Variants in CTNNA2 observed in about 807,000 individuals in gnomAD.
The protein encoded by CTNNA2 is catenin alpha 2.
In CTNNA2, 42 loss-of-function variants were observed where a neutral mutation model predicts 101.0. That is an observed-to-expected ratio of 0.42 (90% confidence interval 0.32 to 0.54). The LOEUF is 0.54. Ranked by LOEUF, CTNNA2 falls within the 20% of genes least tolerant of loss-of-function variation. CTNNA2 has a pLI of 0.14. For synonymous variants in CTNNA2, 450 were observed against 456.4 expected (o/e 0.99, Z 0.18); for missense variants, 871 against 1,223.1 (o/e 0.71, Z 4.29).
chr2:79,997,091 C>T lies in CTNNA2; in HGVS notation c.1056+87294C>T, dbSNP rs1477011818. Among the ~76,000 whole-genome samples, 5 of 152,216 alleles carry T rather than the reference C, an allele frequency of 3.3e-5. No homozygotes were observed. The East Asian group carries it at 7.8e-4, about 24-fold the overall frequency. On this transcript the variant is annotated intron_variant, in intron 7 of 18. Coordinates refer to ENST00000402739, the MANE Select transcript of CTNNA2 (RefSeq NM_001282597.3). The stretch of plus-strand genomic sequence containing the variant: ...TCCTTTATAACACTGTCCAATTGGT[C>T]AACAACTCTTCCTTTATAAGTCTCT...
chr2:80,095,105 G>T (rs1558802157), intron 7 of CTNNA2, among the ~76,000 whole-genome samples: 1 of 152,208 alleles, frequency 6.6e-6, no homozygotes, highest in Non-Finnish European at 1.5e-5. Context: ...AATGCTTCCA[G>T]TTATTGTCCA....
intron 7 of CTNNA2, among the ~76,000 whole-genome samples, chr2:80,190,309 T>C (rs982666953): frequency 2.6e-5 from 4 of 151,984 alleles, no homozygotes; most frequent in Non-Finnish European, 5.9e-5. Context: ...AGTGGTCCAG[T>C]GGTGGCAGGC....
chr2:80,504,647 G>C (rs1688130843), intron 9 of CTNNA2, among the ~76,000 whole-genome samples: 2 of 152,228 alleles, frequency 1.3e-5, no homozygotes, highest in South Asian at 2.1e-4. Context: ...GAAGGGCCTT[G>C]GGTGGGGAAC....
chr2:79,215,319 A>G (rs1181561331), intron 2 of CTNNA2, among the ~76,000 whole-genome samples: 6 of 152,150 alleles, frequency 3.9e-5, no homozygotes, highest in Non-Finnish European at 7.3e-5. Context: ...ACGCCTGGCC[A>G]CTGCGGTTCA....
intron 7 of CTNNA2, among the ~76,000 whole-genome samples, chr2:80,079,896 A>AAAATAATAAAATAAAAT: frequency 8.7e-6 from 1 of 114,504 alleles, no homozygotes; most frequent in Non-Finnish European, 2.0e-5. Context: ...AAAATAAAAT[A>AAAATAATAAAATAAAAT]AATAAAATAA....
At chr2:80,389,795 A>G (rs920438593) in intron 7 of CTNNA2, among the ~76,000 whole-genome samples, 1 of 152,148 alleles carries the variant, frequency 6.6e-6, no homozygotes. Flanking sequence ...AACATTCCCC[A>G]GCCTTCATGT....
chr2:80,513,941 G>A (rs1296758589), intron 9 of CTNNA2, among the ~76,000 whole-genome samples: 1 of 152,074 alleles, frequency 6.6e-6, no homozygotes, highest in African/African-American at 2.4e-5. Flanking sequence ...ACCATACAAA[G>A]TCTTTTCCTT....
chr2:79,978,770 G>T (rs1422058023), intron 7 of CTNNA2, among the ~76,000 whole-genome samples: 1 of 152,126 alleles, frequency 6.6e-6, no homozygotes, highest in African/African-American at 2.4e-5. Context: ...TAATTCTGGG[G>T]TCACTAATTC....
chr2:80,084,793 T>G (rs141425969), intron 7 of CTNNA2, among the ~76,000 whole-genome samples: 1 of 152,198 alleles, frequency 6.6e-6, no homozygotes, highest in African/African-American at 2.4e-5. Flanking sequence ...GTCAGGGGAA[T>G]TACTTATATT....
At chr2:79,520,385 T>C (rs961474216) in intron 1 of CTNNA2, among the ~76,000 whole-genome samples, 2 of 152,216 alleles carry the variant, frequency 1.3e-5, no homozygotes, top group African/African-American at 4.8e-5. Flanking sequence ...GATCAATCTA[T>C]GATTTTGAGT....
chr2:79,250,998 C>G (rs1261945281), intron 2 of CTNNA2, among the ~76,000 whole-genome samples: 2 of 152,156 alleles, frequency 1.3e-5, no homozygotes, highest in Non-Finnish European at 2.9e-5. Flanking sequence ...AAATGATTTA[C>G]TCTGAGATCA....
intron 7 of CTNNA2, among the ~76,000 whole-genome samples, chr2:80,294,885 AACAG>A (rs1469391246): frequency 3.9e-5 from 6 of 152,172 alleles, no homozygotes; most frequent in Non-Finnish European, 5.9e-5. Flanking sequence ...TTACATTGAG[AACAG>A]ACAAATAGCT....
At chr2:79,562,476 G>C (rs1674841233) in intron 1 of CTNNA2, among the ~76,000 whole-genome samples, 1 of 151,830 alleles carries the variant, frequency 6.6e-6, no homozygotes, top group Non-Finnish European at 1.5e-5. Context: ...TACTTGATAG[G>C]GTTTTTTAGC....
At chr2:80,222,141 G>C (rs1331896571) in intron 7 of CTNNA2, among the ~76,000 whole-genome samples, 1 of 152,116 alleles carries the variant, frequency 6.6e-6, no homozygotes, top group Non-Finnish European at 1.5e-5. Flanking sequence ...ATAGGAGTCA[G>C]GATGAAAAGC....
At chr2:80,224,666 A>C (rs2120407) in intron 7 of CTNNA2, among the ~76,000 whole-genome samples, 1 of 151,570 alleles carries the variant, frequency 6.6e-6, no homozygotes, top group Non-Finnish European at 1.5e-5. Context: ...GGATGGTCTC[A>C]ATCTCCTGAT....
rs115422081 is a variant in CTNNA2, at chr2:80,560,156, G to A, written c.1741+4263G>A. 5.7e-3 allele frequency among the ~76,000 whole-genome samples: 859 copies of A among 151,872 alleles called. 6 individuals carry two copies. Among genetic ancestry groups the A allele is most frequent in the African/African-American group, 0.019 (794 of 41,446 alleles). On this transcript the variant is annotated intron_variant, in intron 12 of 18. Transcript: ENST00000402739. ...AAAATTCCATTATTTTGGAAAATAC[G>A]TGGGCCAAGCAGATGGTATAATTTT...
chr2:80,569,406 T>C (rs918588310), intron 12 of CTNNA2, among the ~76,000 whole-genome samples: 6 of 152,104 alleles, frequency 3.9e-5, no homozygotes, highest in Non-Finnish European at 8.8e-5. Context: ...CAAATCAGCA[T>C]TTCTGATAAA....
chr2:79,950,401 A>G (rs967567108), intron 7 of CTNNA2, among the ~76,000 whole-genome samples: 4 of 152,260 alleles, frequency 2.6e-5, no homozygotes, highest in Admixed American at 6.5e-5. Context: ...TCAAATTTGC[A>G]TCACTTAAAA....
chr2:79,802,173 C>T (rs111959458), intron 3 of CTNNA2, among the ~76,000 whole-genome samples: 20 of 152,000 alleles, frequency 1.3e-4, no homozygotes, highest in Non-Finnish European at 2.4e-4. Flanking sequence ...ACCTAAAGCA[C>T]GTAGAGGCTA....
Sources: gnomAD v4.1 joint callset for allele counts (sites outside exome capture counted in the v4.1 genomes callset) on GRCh38, gnomAD v4.1.1 for gene constraint, MANE v1.5 for transcripts, NCBI Gene and HGNC (gene_info 2026-07-23, HGNC 2026-07-21) for gene names.